The following PALLD variants were observed in gnomAD, a reference collection of about 807,000 sequenced individuals.
PALLD encodes the protein palladin, cytoskeletal associated protein.
PALLD carries 61 observed loss-of-function variants against 123.5 expected under a neutral mutation model. The observed-to-expected ratio is 0.49, with a 90% CI of 0.40 to 0.61. The LOEUF (loss-of-function observed/expected upper bound fraction) is 0.61, where lower values mean the gene tolerates loss of function less well. Ranked by LOEUF, PALLD falls within the 20% of genes least tolerant of loss-of-function variation. PALLD has a pLI of 0.00. For synonymous variants in PALLD, 465 were observed against 496.4 expected (o/e 0.94, Z 0.84); for missense variants, 1,273 against 1,377.0 (o/e 0.92, Z 1.20).
At chr4:168,735,768 C>G (rs1787682109) in intron 10 of PALLD, among the ~76,000 whole-genome samples, 2 of 151,972 alleles carry the variant, frequency 1.3e-5, no homozygotes, top group Admixed American at 1.3e-4. Context: ...AGTATTTCAG[C>G]TTTGGGTTTT....
At chr4:168,626,567 C>T (rs886937849) in intron 2 of PALLD, among the ~76,000 whole-genome samples, 2 of 151,758 alleles carry the variant, frequency 1.3e-5, no homozygotes, top group African/African-American at 2.4e-5. Flanking sequence ...AAAACTTAGC[C>T]GGGTATGGTG....
chr4:168,675,774 G>T (rs1175145819), intron 3 of PALLD, among the ~76,000 whole-genome samples: 2 of 152,128 alleles, frequency 1.3e-5, no homozygotes, highest in Non-Finnish European at 2.9e-5. Flanking sequence ...ATCATGTCTA[G>T]GCCAGGCATG....
At chr4:168,853,415 C>T (rs1403700025) in intron 10 of PALLD, among the ~76,000 whole-genome samples, 1 of 152,090 alleles carries the variant, frequency 6.6e-6, no homozygotes, top group Admixed American at 6.6e-5. Flanking sequence ...CCTCAAGGGC[C>T]TGGGTGCGTG....
At position 168,926,209 on chromosome 4, in the gene PALLD, G is replaced by T; in HGVS notation, c.*33-4G>T. The T allele has an allele frequency of 2.0e-6, 3 of 1,508,258 alleles. No homozygotes were observed. The highest frequency in any genetic ancestry group is 2.8e-5 in the African/African-American group (2 of 71,558). The allele number at this position is 1,508,258 out of a possible 1,614,324, so 93.4% of individuals were successfully genotyped here. Reference sequence around the variant, plus strand: ...AAATCTTAATTTACTCTTTTTCTTTGTAGCCCAGTGGCATCAGCAGTCACA... The same window carrying T: ...AAATCTTAATTTACTCTTTTTCTTTTTAGCCCAGTGGCATCAGCAGTCACA... On this transcript the variant is annotated splice_polypyrimidine_tract_variant and splice_region_variant and intron_variant, in intron 21 of 21. Transcript: ENST00000505667.
At chr4:168,647,433 A>T (rs1166809378) in intron 2 of PALLD, among the ~76,000 whole-genome samples, 1 of 152,184 alleles carries the variant, frequency 6.6e-6, no homozygotes, top group Admixed American at 6.6e-5. Flanking sequence ...AGGAAGACAA[A>T]TCATAACAGT....
intron 10 of PALLD, among the ~76,000 whole-genome samples, chr4:168,784,524 C>T (rs539468495): frequency 6.6e-6 from 1 of 152,180 alleles, no homozygotes; most frequent in South Asian, 2.1e-4. Flanking sequence ...AGGCAGAGGG[C>T]GGCTTGAGTT....
At chr4:168,619,976 C>T (rs1774597896) in intron 2 of PALLD, among the ~76,000 whole-genome samples, 1 of 152,120 alleles carries the variant, frequency 6.6e-6, no homozygotes, top group African/African-American at 2.4e-5. Flanking sequence ...CAAATTGGTC[C>T]ACACATTTTC....
At chr4:168,913,747 T>C (rs888633675) in intron 15 of PALLD, among the ~76,000 whole-genome samples, 180 bp from the exon 16 acceptor site, 6 of 152,100 alleles carry the variant, frequency 3.9e-5, no homozygotes, top group African/African-American at 1.2e-4. Context: ...AAAAATAGTT[T>C]TACTGAGGCA....
intron 3 of PALLD, among the ~76,000 whole-genome samples, chr4:168,669,679 G>A (rs759766404): frequency 6.6e-6 from 1 of 152,086 alleles, no homozygotes; most frequent in South Asian, 2.1e-4. Flanking sequence ...TCAGTGAAAG[G>A]ATCCTCCACA....
In PALLD at chr4:168,869,549, C is replaced by T. The variant is rs568483849; in HGVS notation, c.1965-21373C>T. On this transcript the variant is annotated intron_variant, in intron 10 of 21. Transcript: ENST00000505667. This position sits in a 1 kb window ranked among gnomAD's most constrained non-coding sequence, Gnocchi z 4.5. ...GAGAAGAGGCCAACAGGAAGGAAAA[C>T]TCAAAATGGGTTTGGGGAACAATAA... Among the ~76,000 whole-genome samples, 22 of 152,232 alleles carry T rather than the reference C, an allele frequency of 1.4e-4. No homozygotes were observed. Among genetic ancestry groups the T allele is most frequent in the African/African-American group, 5.3e-4 (22 of 41,548 alleles).
At chr4:168,702,891 T>TTTTATTTATTTATTTA (rs548874369) in intron 8 of PALLD, among the ~76,000 whole-genome samples, 1 of 140,300 alleles carries the variant, frequency 7.1e-6, no homozygotes, top group African/African-American at 2.7e-5. Context: ...TATTTATTTA[T>TTTTATTTATTTATTTA]TTTATTTATT....
At chr4:168,848,150 TCCCACC>T (rs1747173080) in intron 10 of PALLD, among the ~76,000 whole-genome samples, 2 of 113,158 alleles carry the variant, frequency 1.8e-5, no homozygotes, top group Non-Finnish European at 1.8e-5. Context: ...CCTACCCCCG[TCCCACC>T]CCACCCCACC....
rs573718565 is a variant in PALLD at position 168,809,343 on chromosome 4, T to C, written c.1965-81579T>C. ...CCTTCTTCTTCTTCTTCTTCTTCTTTTTTTTTTTGGAGAGACAGGGTCTCA... is the reference window on the plus strand; with the variant it reads ...CCTTCTTCTTCTTCTTCTTCTTCTTCTTTTTTTTGGAGAGACAGGGTCTCA... On this transcript the variant is annotated intron_variant, in intron 10 of 21. Coordinates refer to ENST00000505667, the MANE Select transcript of PALLD (RefSeq NM_001166108.2). 5.3e-5 allele frequency among the ~76,000 whole-genome samples: 8 copies of C among 149,776 alleles called. No individual in the cohort carries two copies. In the South Asian group the frequency reaches 1.3e-3, roughly 24 times the overall value.
chr4:168,876,378 C>A (rs1436754100), intron 10 of PALLD, among the ~76,000 whole-genome samples: 1 of 152,246 alleles, frequency 6.6e-6, no homozygotes. Flanking sequence ...CCAGCAGTGA[C>A]ATGCCTACTT....
At position 168,844,826 on chromosome 4, in the gene PALLD, T is replaced by G. The variant is rs1746574163; in HGVS notation, c.1965-46096T>G. 1 of 152,234 alleles carries G rather than the reference T, an allele frequency of 6.6e-6. No homozygotes were observed. The highest frequency in any genetic ancestry group is 2.4e-5 in the African/African-American group (1 of 41,456). 9.4% of individuals were successfully genotyped at this position (152,234 alleles called of 1,614,324 possible). A position where few individuals can be genotyped will look rare whatever the true frequency, so the allele number is the denominator to read the frequency against. On this transcript the variant is annotated intron_variant, in intron 10 of 21. Transcript: ENST00000505667. The surrounding 1 kb of genome is among the most constrained non-coding windows in gnomAD (Gnocchi z 4.5). ...TCAGCAAACATGTACTGAGTTTGTT[T>G]TGTGCTCAGCATTCCCGACTAAGTA...
chr4:168,564,611 A>G (rs1419609101), intron 2 of PALLD, among the ~76,000 whole-genome samples: 1 of 152,222 alleles, frequency 6.6e-6, no homozygotes, highest in Admixed American at 6.5e-5. Flanking sequence ...ACTGAGACTA[A>G]TGACAGAAAT....
intron 10 of PALLD, among the ~76,000 whole-genome samples, chr4:168,890,657 G>A (rs1454829768): frequency 6.6e-6 from 1 of 151,758 alleles, no homozygotes; most frequent in Non-Finnish European, 1.5e-5. Context: ...AGACTTAAAT[G>A]TAGGCCTTCC....
At chr4:168,676,872 C>T (rs961689957) in intron 3 of PALLD, among the ~76,000 whole-genome samples, 4 of 152,076 alleles carry the variant, frequency 2.6e-5, no homozygotes, top group Non-Finnish European at 5.9e-5. Context: ...AGCCACCGCG[C>T]CCAGCCAGTA....
chr4:168,570,083 A>G (rs1403033353), intron 2 of PALLD, among the ~76,000 whole-genome samples: 1 of 152,172 alleles, frequency 6.6e-6, no homozygotes, highest in Non-Finnish European at 1.5e-5. Flanking sequence ...CCGGGCTTCA[A>G]ATTACAGCCT....
Sources: gnomAD v4.1 joint callset for allele counts (sites outside exome capture counted in the v4.1 genomes callset) on GRCh38, gnomAD v4.1.1 for gene constraint, Gnocchi (gnomAD v3.1) non-coding constraint, MANE v1.5 for transcripts, NCBI Gene and HGNC (gene_info 2026-07-23, HGNC 2026-07-21) for gene names.